The following LDLRAD2 variants were observed in gnomAD, a reference collection of about 807,000 sequenced individuals.
LDLRAD2 encodes low density lipoprotein receptor class A domain containing 2.
A neutral mutation model predicts 24.9 loss-of-function variants in LDLRAD2; 25 were observed. The ratio of observed to expected loss-of-function variants is 1.00; its 90% CI spans 0.73 to 1.40. LDLRAD2 has a LOEUF of 1.40. Ranked by LOEUF, LDLRAD2 falls within the 40% of genes most tolerant of loss-of-function variation. The probability of loss-of-function intolerance (pLI) is 0.00; values close to 1 mark genes in which losing one functional copy is unlikely to be tolerated. For missense variants in LDLRAD2, 391 were observed against 366.2 expected, an observed-to-expected ratio of 1.07 and a Z score of -0.55; for synonymous variants, 182 against 166.7, an observed-to-expected ratio of 1.09 and a Z score of -0.71.
Position 21,824,004 on chromosome 1 carries a change from G to T in LDLRAD2, c.*1789G>T. 1 of 1,061,916 alleles carries T rather than the reference G, an allele frequency of 9.4e-7. No individual in the cohort carries two copies. The highest frequency in any genetic ancestry group is 1.4e-6 in the Non-Finnish European group (1 of 705,806). 65.8% of individuals were successfully genotyped at this position (1,061,916 alleles called of 1,614,324 possible). A position where few individuals can be genotyped will look rare whatever the true frequency, so the allele number is the denominator to read the frequency against. ...TGGCTGGTGGGTTCTCCCCTCCCCT[G>T]GCTTCAAGTTCTGTCTCCACAGAGC... On this transcript the variant is annotated 3_prime_UTR_variant, in exon 5 of 5. Transcript: ENST00000344642. The surrounding 1 kb of genome is among the most constrained non-coding windows in gnomAD (Gnocchi z 5.9).
In LDLRAD2 at chr1:21,814,793, T is replaced by A; in HGVS notation, c.481T>A (p.Phe161Ile). 6.8e-7 allele frequency: 1 copy of A among 1,475,922 alleles called. No homozygotes were observed. Among genetic ancestry groups the A allele is most frequent in the Non-Finnish European group, 8.9e-7 (1 of 1,120,258 alleles). 91.4% of individuals were successfully genotyped at this position (1,475,922 alleles called of 1,614,324 possible). ...GAGAGGCCGCCAGCCCCGCGTGGAC[T>A]TCGTGGGCGAAGTCACCTCTTTCCG... ...VTRGRQPRVD[F>I]VGEVTSFRLG... The change falls in exon 2 of 5, where the codon TTC becomes ATC. Residue 161 changes from phenylalanine (F) to isoleucine (I), a missense_variant. By Grantham distance (21) the Phe-to-Ile change is conservative. Transcript: ENST00000344642.
At chr1:21,815,907 G>A (rs530443482) in intron 2 of LDLRAD2, 36 bp from the exon 3 acceptor site, 48 of 1,611,010 alleles carry the variant, frequency 3.0e-5, no homozygotes, top group East Asian at 2.9e-4. Context: ...GGGCTGGACC[G>A]GAATCCTCAC....
chr1:21,818,279 TG>T (rs1209668082), intron 3 of LDLRAD2, among the ~76,000 whole-genome samples: 38 of 152,208 alleles, frequency 2.5e-4, no homozygotes, highest in Admixed American at 2.2e-3. Flanking sequence ...CCCAAAGTGC[TG>T]GGATTACAGG....
rs151090850 is a variant in LDLRAD2 at position 21,822,491 on chromosome 1, C to T, written c.*276C>T. The T allele has an allele frequency of 4.6e-5, 17 of 371,874 alleles. No homozygotes were observed. Among genetic ancestry groups the T allele is most frequent in the African/African-American group, 3.4e-4 (16 of 47,482 alleles). 23.0% of individuals were successfully genotyped at this position (371,874 alleles called of 1,614,324 possible). On this transcript the variant is annotated 3_prime_UTR_variant, in exon 5 of 5. Transcript: ENST00000344642. ...GCTCTTCCTGAGCACCAGCGGCATC[C>T]GTCCGTCCGTTGTCTGTTGGAGGAG... is the stretch of plus-strand genomic sequence containing the variant.
At chr1:21,814,033 G>T (rs2097941175) in intron 1 of LDLRAD2, among the ~76,000 whole-genome samples, 1 of 152,040 alleles carries the variant, frequency 6.6e-6, no homozygotes, top group African/African-American at 2.4e-5. Context: ...ACCATGCCCG[G>T]CTAATTTTTT....
At chr1:21,821,316 C>T in intron 3 of LDLRAD2, 134 bp from the exon 4 acceptor site, 1 of 1,183,274 alleles carries the variant, frequency 8.5e-7, no homozygotes, top group Non-Finnish European at 1.2e-6. Context: ...TTGAACTCGG[C>T]AAGTGACAAC....
chr1:21,816,212 G>A (rs1250208332), intron 3 of LDLRAD2, 138 bp downstream of exon 3: 2 of 1,136,158 alleles, frequency 1.8e-6, no homozygotes, highest in South Asian at 1.6e-5. Flanking sequence ...TAGGCCAAGG[G>A]CTGGAGGGGC....
Position 21,821,965 on chromosome 1 carries a change from A to C in LDLRAD2, c.806-237A>C, listed in dbSNP as rs146422851. The C allele has an allele frequency of 6.7e-4, 947 of 1,423,748 alleles. 5 individuals carry two copies. In the African/African-American group the frequency reaches 0.012, roughly 18 times the overall value. 88.2% of individuals were successfully genotyped at this position (1,423,748 alleles called of 1,614,324 possible). On this transcript the variant is annotated intron_variant, in intron 4 of 4. Transcript: ENST00000344642. ...ATAGGATCAGGGAGGCCATCCCTAGAGGGGCTTCGGGCACATGGGAATGAT... is the reference window on the plus strand; with the variant it reads ...ATAGGATCAGGGAGGCCATCCCTAGCGGGGCTTCGGGCACATGGGAATGAT...
chr1:21,815,078 C>T (rs1198095065), intron 2 of LDLRAD2, among the ~76,000 whole-genome samples: 2 of 152,170 alleles, frequency 1.3e-5, no homozygotes, highest in African/African-American at 4.8e-5. Flanking sequence ...TCAGACTGTC[C>T]TACCAGCCCC....
intron 1 of LDLRAD2, among the ~76,000 whole-genome samples, chr1:21,813,532 G>A (rs1185377984): frequency 1.3e-5 from 2 of 152,106 alleles, no homozygotes; most frequent in Admixed American, 1.3e-4. Context: ...TTTCCTCTCT[G>A]TGCTTACAGA....
chr1:21,818,290 G>T (rs1488456738), intron 3 of LDLRAD2, among the ~76,000 whole-genome samples: 2 of 152,204 alleles, frequency 1.3e-5, no homozygotes, highest in East Asian at 1.9e-4. Context: ...GGGATTACAG[G>T]CGTGAGCCTC....
At position 21,819,762 on chromosome 1, in the gene LDLRAD2, T is replaced by C. The variant is rs533213456; in HGVS notation, c.644-1688T>C. ...CACAATGTGAGTGCGTATTAGTCCATTCTCGCATTGCTATAAAAAAACACC... is the reference window on the plus strand; with the variant it reads ...CACAATGTGAGTGCGTATTAGTCCACTCTCGCATTGCTATAAAAAAACACC... On this transcript the variant is annotated intron_variant, in intron 3 of 4. Transcript: ENST00000344642. Among the ~76,000 whole-genome samples the C allele has an allele frequency of 2.6e-5, 4 of 152,216 alleles. No individual in the cohort carries two copies. In the East Asian group the frequency reaches 7.7e-4, roughly 29 times the overall value.
At chr1:21,814,909 C>A in intron 2 of LDLRAD2, 86 bp downstream of exon 2, 2 of 1,258,306 alleles carry the variant, frequency 1.6e-6, no homozygotes, top group Non-Finnish European at 2.1e-6. Flanking sequence ...GTGAGGGCCG[C>A]TGCCGACAGG....
rs202026867 is a variant in LDLRAD2, at chr1:21,817,883, CT to C, written c.643+1816del. On this transcript the variant is annotated intron_variant, in intron 3 of 4. Coordinates refer to ENST00000344642, the MANE Select transcript of LDLRAD2 (RefSeq NM_001013693.3). Reference sequence around the variant, plus strand: ...ATTTATTTATTTATTTATTTTATTACTTTTTTTCAGATAGAGTCTTGCTCTG... The same window carrying C: ...ATTTATTTATTTATTTATTTTATTACTTTTTTCAGATAGAGTCTTGCTCTG... 6.7e-3 allele frequency among the ~76,000 whole-genome samples: 1,019 copies of C among 151,984 alleles called. 6 individuals are homozygous for C. The highest frequency in any genetic ancestry group is 0.012 in the Non-Finnish European group (830 of 67,956).
At chr1:21,821,707 A>T in intron 4 of LDLRAD2, 96 bp downstream of exon 4, 2 of 1,550,922 alleles carry the variant, frequency 1.3e-6, no homozygotes, top group South Asian at 2.4e-5. Context: ...GCCTGAGTGG[A>T]CTTTCTCTTC....
At position 21,822,244 on chromosome 1, in the gene LDLRAD2, T is replaced by G; in HGVS notation, c.*29T>G. The G allele has an allele frequency of 3.1e-6, 5 of 1,604,994 alleles. No homozygotes were observed. The highest frequency in any genetic ancestry group is 4.3e-6 in the Non-Finnish European group (5 of 1,171,796). On this transcript the variant is annotated 3_prime_UTR_variant, in exon 5 of 5. Transcript: ENST00000344642. Reference sequence around the variant, plus strand: ...CCTCATCAAAGACTCAGGAGGCCCCTGGCGGGGATAGCACCGTTTATTAAG... The same window carrying G: ...CCTCATCAAAGACTCAGGAGGCCCCGGGCGGGGATAGCACCGTTTATTAAG...
At chr1:21,815,745 A>C (rs2097943230) in intron 2 of LDLRAD2, among the ~76,000 whole-genome samples, 198 bp from the exon 3 acceptor site, 1 of 152,250 alleles carries the variant, frequency 6.6e-6, no homozygotes. Flanking sequence ...TGCATGGCAC[A>C]GAAGAGGAAG....
chr1:21,819,927 G>A (rs2097948462), intron 3 of LDLRAD2, among the ~76,000 whole-genome samples: 1 of 152,202 alleles, frequency 6.6e-6, no homozygotes, highest in East Asian at 1.9e-4. Flanking sequence ...GGCGAGGGGA[G>A]CAGGCACAGC....
At chr1:21,821,870 G>A (rs2097952526) in intron 4 of LDLRAD2, 2 of 1,423,020 alleles carry the variant, frequency 1.4e-6, no homozygotes, top group Non-Finnish European at 1.8e-6. Flanking sequence ...CTGCAGCACA[G>A]CCTGTACCAC....
Sources: allele counts gnomAD v4.1 joint callset (sites outside exome capture counted in the v4.1 genomes callset), GRCh38; gene constraint gnomAD v4.1.1; non-coding constraint Gnocchi (gnomAD v3.1); transcripts MANE v1.5; gene names NCBI Gene and HGNC (gene_info 2026-07-23, HGNC 2026-07-21).